DYNC2H1: variants seen among roughly 807,000 people sequenced by gnomAD.
DYNC2H1 encodes dynein cytoplasmic 2 heavy chain 1, also known as cytoplasmic dynein 2 heavy chain 1.
A neutral mutation model predicts 570.0 loss-of-function variants in DYNC2H1; 410 were observed. That is an observed-to-expected ratio of 0.72 (90% confidence interval 0.66 to 0.78). The LOEUF (loss-of-function observed/expected upper bound fraction) is 0.78. Ranked by LOEUF, DYNC2H1 falls within the 30% of genes least tolerant of loss-of-function variation. The pLI is 0.00. For synonymous variants in DYNC2H1, 1,688 were observed against 1,677.6 expected (o/e 1.01, Z -0.15); for missense variants, 4,865 against 5,046.4 (o/e 0.96, Z 1.09).
Position 103,245,899 on chromosome 11 carries a change from A to G in DYNC2H1, c.10042+525A>G, listed in dbSNP as rs1195947146. 1.3e-5 allele frequency among the ~76,000 whole-genome samples: 2 copies of G among 152,168 alleles called. No homozygotes were observed. Among genetic ancestry groups the G allele is most frequent in the Non-Finnish European group, 2.9e-5 (2 of 67,998 alleles). ...TTGAAACTTAAAGAGCATATCATGC[A>G]AAGTGTATACACATACATATGTAGA... On this transcript the variant is annotated intron_variant, in intron 65 of 88. Coordinates refer to ENST00000375735, the MANE Select transcript of DYNC2H1 (RefSeq NM_001377.3). The surrounding 1 kb of genome is among the most constrained non-coding windows in gnomAD (Gnocchi z 4.5).
intron 60 of DYNC2H1, among the ~76,000 whole-genome samples, chr11:103,232,613 T>C (rs1864061628): frequency 6.6e-6 from 1 of 152,028 alleles, no homozygotes; most frequent in East Asian, 1.9e-4. Flanking sequence ...GTAACAGTCT[T>C]ATTTTCTTAT....
rs888233670 is a variant in DYNC2H1 at position 103,390,360 on chromosome 11, C to T, written c.12157-9303C>T. On this transcript the variant is annotated intron_variant, in intron 83 of 88. Transcript: ENST00000375735. ...TTTTCCATTTGCTTGATAGATTTTCCTCCATCCCTTTATTTTGAGTCTATA... is the reference window on the plus strand; with the variant it reads ...TTTTCCATTTGCTTGATAGATTTTCTTCCATCCCTTTATTTTGAGTCTATA... Among the ~76,000 whole-genome samples the T allele has an allele frequency of 3.3e-4, 49 of 150,188 alleles. 1 individual carries two copies. Among genetic ancestry groups the T allele is most frequent in the African/African-American group, 1.2e-3 (48 of 40,432 alleles).
At position 103,159,044 on chromosome 11, in the gene DYNC2H1, A is replaced by T. The variant is rs1273444745; in HGVS notation, c.4378+17A>T. 1 of 1,579,788 alleles carries T rather than the reference A, an allele frequency of 6.3e-7. No homozygotes were observed. The highest frequency in any genetic ancestry group is 1.1e-5 in the South Asian group (1 of 88,232). The stretch of plus-strand genomic sequence containing the variant: ...TTTTTGCTGGTAGGATTCAACATTT[A>T]TTTAACAGATATTTATTGAGTTTCA... On this transcript the variant is annotated intron_variant, in intron 28 of 88. Transcript: ENST00000375735.
chr11:103,220,678 C>G lies in DYNC2H1; in HGVS notation c.9002C>G (p.Ser3001Ter). The G allele has an allele frequency of 6.2e-7, 1 of 1,612,456 alleles. No homozygotes were observed. The highest frequency in any genetic ancestry group is 1.1e-5 in the South Asian group (1 of 90,830). ...AVGNIKPESLSEIRSLRMPPD... is the reference protein window; with the variant it reads ...AVGNIKPESL ...GGAAACATTAAGCCCGAATCACTTT[C>G]AGAAATTCGCTCACTACGCATGCCA... Residue 3001 changes from serine (S) to a stop codon, truncating the protein, a stop_gained, in exon 57 of 89, where the codon TCA (serine) becomes TGA (stop). Transcript: ENST00000375735. LOFTEE classifies it high-confidence loss of function.
At chr11:103,226,988 A>G (rs1205546727) in intron 59 of DYNC2H1, among the ~76,000 whole-genome samples, 1 of 152,172 alleles carries the variant, frequency 6.6e-6, no homozygotes, top group East Asian at 1.9e-4. Context: ...AGGTGTTCAT[A>G]GTAGCCTTGA....
chr11:103,436,257 G>A (rs1053157317), intron 85 of DYNC2H1, among the ~76,000 whole-genome samples: 3 of 148,556 alleles, frequency 2.0e-5, no homozygotes, highest in African/African-American at 7.5e-5. Flanking sequence ...CATCATTTTC[G>A]AGAATTTAGA....
At chr11:103,437,374 GTCTTTTCA>G (rs1944102268) in intron 85 of DYNC2H1, among the ~76,000 whole-genome samples, 1 of 152,028 alleles carries the variant, frequency 6.6e-6, no homozygotes, top group South Asian at 2.1e-4. Flanking sequence ...TTGTTCTTCT[GTCTTTTCA>G]TCTTTTCATC....
In DYNC2H1 at chr11:103,157,258, C is replaced by G. The variant is rs1420990257; in HGVS notation, c.4127+488C>G. Among the ~76,000 whole-genome samples, 2 of 152,132 alleles carry G rather than the reference C, an allele frequency of 1.3e-5. No homozygotes were observed. The highest frequency in any genetic ancestry group is 2.9e-5 in the Non-Finnish European group (2 of 68,000). On this transcript the variant is annotated intron_variant, in intron 26 of 88. Transcript: ENST00000375735. This position sits in a 1 kb window ranked among gnomAD's most constrained non-coding sequence, Gnocchi z 4.2. Reference sequence around the variant, plus strand: ...AGGCCTCAGCCTTCGATTTTTTTCTCACTGTATTCTCAGGTAATCTTAACC... The same window carrying G: ...AGGCCTCAGCCTTCGATTTTTTTCTGACTGTATTCTCAGGTAATCTTAACC...
intron 70 of DYNC2H1, among the ~76,000 whole-genome samples, chr11:103,276,132 A>G (rs535575704): frequency 3.3e-5 from 5 of 152,074 alleles, no homozygotes; most frequent in Admixed American, 6.6e-5. Flanking sequence ...TTTTTTTTAC[A>G]TGGTCACATG....
rs1400430575 is a variant in DYNC2H1 at position 103,204,394 on chromosome 11, T to C, written c.8312-428T>C. ...TTTGGAATATTTACCTTGCCTCCTTTGTTTCATGTGGTGAAATTAGTGCTG... is the reference window on the plus strand; with the variant it reads ...TTTGGAATATTTACCTTGCCTCCTTCGTTTCATGTGGTGAAATTAGTGCTG... On this transcript the variant is annotated intron_variant, in intron 51 of 88. Coordinates refer to ENST00000375735, the MANE Select transcript of DYNC2H1 (RefSeq NM_001377.3). This position sits in a 1 kb window ranked among gnomAD's most constrained non-coding sequence, Gnocchi z 4.1. Among the ~76,000 whole-genome samples the C allele has an allele frequency of 1.3e-5, 2 of 152,224 alleles. No individual in the cohort carries two copies. Among genetic ancestry groups the C allele is most frequent in the Non-Finnish European group, 2.9e-5 (2 of 68,038 alleles).
intron 53 of DYNC2H1, 42 bp downstream of exon 53, chr11:103,210,002 T>C (rs1034651165): frequency 1.2e-5 from 17 of 1,406,434 alleles, no homozygotes; most frequent in Admixed American, 3.2e-5. Context: ...TTTTTATTTA[T>C]GAAATAATTG....
chr11:103,421,782 A>G (rs1943497698), intron 84 of DYNC2H1, among the ~76,000 whole-genome samples: 1 of 152,192 alleles, frequency 6.6e-6, no homozygotes, highest in Non-Finnish European at 1.5e-5. Flanking sequence ...ACAACCTAAC[A>G]TGCCAACTAA....
At chr11:103,358,412 C>A in intron 83 of DYNC2H1, 53 bp downstream of exon 83, 1 of 1,197,448 alleles carries the variant, frequency 8.4e-7, no homozygotes. Context: ...CGCATCGTAA[C>A]CATGTGCTCC....
chr11:103,364,018 A>T (rs1940778637), intron 83 of DYNC2H1, among the ~76,000 whole-genome samples: 1 of 152,184 alleles, frequency 6.6e-6, no homozygotes, highest in Non-Finnish European at 1.5e-5. Context: ...AAAAATATGC[A>T]AATGTCTGGC....
rs998428189 is a variant in DYNC2H1 at position 103,154,890 on chromosome 11, T to C, written c.3573+81T>C. On this transcript the variant is annotated intron_variant, in intron 24 of 88. Coordinates refer to ENST00000375735, the MANE Select transcript of DYNC2H1 (RefSeq NM_001377.3). ...ATGTAGTGACTGAACTATATAATTT[T>C]ACTTTATATGTTTTTCAATTAAATT... The C allele has an allele frequency of 3.0e-6, 3 of 997,668 alleles. No homozygotes were observed. The African/African-American group carries it at 5.1e-5, about 17-fold the overall frequency. The allele number at this position is 997,668 out of a possible 1,614,324, so 61.8% of individuals were successfully genotyped here.
chr11:103,273,634 AT>A (rs1865793005), intron 70 of DYNC2H1, among the ~76,000 whole-genome samples: 1 of 152,020 alleles, frequency 6.6e-6, no homozygotes, highest in Non-Finnish European at 1.5e-5. Flanking sequence ...TTATAATGTT[AT>A]TGTTAAATAC....
chr11:103,362,425 CT>C (rs1282445809), intron 83 of DYNC2H1, among the ~76,000 whole-genome samples: 2 of 140,382 alleles, frequency 1.4e-5, no homozygotes, highest in Non-Finnish European at 3.0e-5. Context: ...CTTTTCTGTC[CT>C]TACTTCTGGT....
chr11:103,389,159 A>T (rs971325818), intron 83 of DYNC2H1, among the ~76,000 whole-genome samples: 1 of 152,106 alleles, frequency 6.6e-6, no homozygotes. Flanking sequence ...GCAAGCTATG[A>T]ACTATTGCCT....
chr11:103,329,747 C>G (rs1938681959), intron 82 of DYNC2H1, among the ~76,000 whole-genome samples: 1 of 151,862 alleles, frequency 6.6e-6, no homozygotes, highest in African/African-American at 2.4e-5. Flanking sequence ...TGATGGTACC[C>G]TTAGTGTCCT....
Sources: gnomAD v4.1 joint callset for allele counts (sites outside exome capture counted in the v4.1 genomes callset) on GRCh38, gnomAD v4.1.1 for gene constraint, Gnocchi (gnomAD v3.1) non-coding constraint, MANE v1.5 for transcripts, NCBI Gene and HGNC (gene_info 2026-07-23, HGNC 2026-07-21) for gene names.